The following SCNN1B variants were observed in gnomAD, a reference collection of about 807,000 sequenced individuals.
The protein encoded by SCNN1B is sodium channel epithelial 1 subunit beta.
A neutral mutation model predicts 65.3 loss-of-function variants in SCNN1B; 46 were observed. The ratio of observed to expected loss-of-function variants is 0.70; its 90% CI spans 0.56 to 0.90. The LOEUF is 0.90. SCNN1B is among the 40% of genes least tolerant of loss of function. The probability of loss-of-function intolerance (pLI) is 0.00; values close to 1 mark genes in which losing one functional copy is unlikely to be tolerated. For synonymous variants in SCNN1B, 349 were observed against 330.6 expected, an observed-to-expected ratio of 1.06 and a Z score of -0.60; for missense variants, 751 against 830.5, an observed-to-expected ratio of 0.90 and a Z score of 1.18.
chr16:23,376,757 A>AG (rs1039009193), intron 8 of SCNN1B, among the ~76,000 whole-genome samples: 18 of 151,956 alleles, frequency 1.2e-4, no homozygotes, highest in Middle Eastern at 3.4e-3. Flanking sequence ...AAAAAAAAAA[A>AG]AAAGAAAGAA....
intron 4 of SCNN1B, among the ~76,000 whole-genome samples, chr16:23,363,163 A>G (rs77217912): frequency 2.0e-5 from 3 of 152,220 alleles, no homozygotes; most frequent in East Asian, 3.9e-4. Flanking sequence ...TTATTCATCA[A>G]ATATTTACTG....
intron 2 of SCNN1B, among the ~76,000 whole-genome samples, chr16:23,291,318 C>T (rs1960921219): frequency 6.6e-6 from 1 of 152,144 alleles, no homozygotes; most frequent in African/African-American, 2.4e-5. Flanking sequence ...CTGCCTCAAC[C>T]TCCCAAAGTG....
At chr16:23,282,837 C>T (rs1960801198) in intron 1 of SCNN1B, among the ~76,000 whole-genome samples, 1 of 152,230 alleles carries the variant, frequency 6.6e-6, no homozygotes, top group South Asian at 2.1e-4. Flanking sequence ...AATACAAGTA[C>T]AGCCCTGCCT....
At chr16:23,280,016 C>T (rs1384375414) in intron 1 of SCNN1B, among the ~76,000 whole-genome samples, 6 of 152,152 alleles carry the variant, frequency 3.9e-5, no homozygotes, top group Admixed American at 3.9e-4. Context: ...CGAAATTTTG[C>T]CAAACTAAGG....
At chr16:23,337,114 C>T (rs144518509) in intron 1 of SCNN1B, among the ~76,000 whole-genome samples, 14 of 152,152 alleles carry the variant, frequency 9.2e-5, no homozygotes, top group African/African-American at 3.4e-4. Flanking sequence ...TGCAATGATA[C>T]AATCATAGCT....
At chr16:23,291,717 G>T (rs896543717) in intron 2 of SCNN1B, among the ~76,000 whole-genome samples, 4 of 150,664 alleles carry the variant, frequency 2.7e-5, no homozygotes, top group African/African-American at 9.8e-5. Flanking sequence ...TGAGACCACA[G>T]GCACGCACCA....
rs1962780653 is a variant in SCNN1B at position 23,371,403 on chromosome 16, A to T, written c.985A>T (p.Ile329Phe). Residue 329 changes from isoleucine to phenylalanine, a missense_variant, in exon 6 of 13, where the codon ATC becomes TTC. Coordinates refer to ENST00000343070, the MANE Select transcript of SCNN1B (RefSeq NM_000336.3). ...MLHEQRSYPF[I>F]RDEGIYAMSG... ...TCACGAGCAGAGGTCATACCCCTTC[A>T]TCAGAGATGAGGGCATCTACGCCAT... 6.2e-7 allele frequency: 1 copy of T among 1,614,110 alleles called. No individual in the cohort carries two copies. The highest frequency in any genetic ancestry group is 1.1e-5 in the South Asian group (1 of 91,082).
chr16:23,326,112 C>CT (rs574780119), intron 1 of SCNN1B, among the ~76,000 whole-genome samples: 7 of 147,682 alleles, frequency 4.7e-5, no homozygotes, highest in South Asian at 2.2e-4. Flanking sequence ...GGAAGCTTAA[C>CT]TTTTTTTTTT....
chr16:23,284,970 CAGA>C (rs1349304713), intron 2 of SCNN1B, among the ~76,000 whole-genome samples: 2 of 152,156 alleles, frequency 1.3e-5, no homozygotes, highest in African/African-American at 2.4e-5. Context: ...ATGGTCCCAT[CAGA>C]AGGACACAGA....
intron 4 of SCNN1B, among the ~76,000 whole-genome samples, chr16:23,365,132 C>CA (rs1039460424): frequency 2.5e-3 from 337 of 135,368 alleles, no homozygotes; most frequent in African/African-American, 5.1e-3. Flanking sequence ...ATCTCAAAAA[C>CA]AAAAAAAAAA....
intron 1 of SCNN1B, among the ~76,000 whole-genome samples, chr16:23,345,909 A>T (rs1962175779): frequency 6.6e-6 from 1 of 152,118 alleles, no homozygotes; most frequent in African/African-American, 2.4e-5. Context: ...GACCTTAAAG[A>T]TCAAATACAA....
chr16:23,347,264 G>A (rs900931873), intron 1 of SCNN1B, among the ~76,000 whole-genome samples: 3 of 151,938 alleles, frequency 2.0e-5, no homozygotes, highest in Admixed American at 6.6e-5. Context: ...CTTACCCACC[G>A]ACAGCTAGTG....
intron 3 of SCNN1B, among the ~76,000 whole-genome samples, chr16:23,353,424 C>T (rs1962353635): frequency 2.6e-5 from 4 of 152,306 alleles, no homozygotes; most frequent in Admixed American, 1.3e-4. Flanking sequence ...TTCTCTCAGG[C>T]GACTTCACTC....
intron 5 of SCNN1B, among the ~76,000 whole-genome samples, chr16:23,368,838 T>G (rs1166369585): frequency 6.6e-6 from 1 of 152,046 alleles, no homozygotes; most frequent in Non-Finnish European, 1.5e-5. Flanking sequence ...AAGTGGGAGC[T>G]AAATGATGTG....
chr16:23,366,247 C>A (rs958905576), intron 4 of SCNN1B, among the ~76,000 whole-genome samples: 1 of 152,014 alleles, frequency 6.6e-6, no homozygotes, highest in Non-Finnish European at 1.5e-5. Flanking sequence ...CTCTGTTGCC[C>A]AGGCAGGAGT....
In SCNN1B at chr16:23,380,241, G is replaced by A; in HGVS notation, c.1542+72G>A. On this transcript the variant is annotated intron_variant, in intron 12 of 12. Coordinates refer to ENST00000343070, the MANE Select transcript of SCNN1B (RefSeq NM_000336.3). This position sits in a 1 kb window ranked among gnomAD's most constrained non-coding sequence, Gnocchi z 5.4. ...CCCTGCACCCTGAGGGTGGGGGAAG[G>A]GTTCTGAGCCCTATGAAGGAATTAG... The A allele has an allele frequency of 6.6e-7, 1 of 1,514,342 alleles. No homozygotes were observed. The highest frequency in any genetic ancestry group is 9.2e-7 in the Non-Finnish European group (1 of 1,089,434). The allele number at this position is 1,514,342 out of a possible 1,614,324, so 93.8% of individuals were successfully genotyped here. A position where few individuals can be genotyped will look rare whatever the true frequency, so the allele number is the denominator to read the frequency against.
chr16:23,298,202 A>T (rs1961024648), upstream of SCNN1B, among the ~76,000 whole-genome samples: 1 of 152,204 alleles, frequency 6.6e-6, no homozygotes, highest in South Asian at 2.1e-4. Context: ...CTGTGCCATA[A>T]TTTAACCCAT....
rs765534563 is a variant in SCNN1B, at chr16:23,367,850, T to C, written c.777-6T>C. On this transcript the variant is annotated splice_region_variant and splice_polypyrimidine_tract_variant and intron_variant, in intron 4 of 12. Coordinates refer to ENST00000343070, the MANE Select transcript of SCNN1B (RefSeq NM_000336.3). Reference sequence around the variant, plus strand: ...CCTGCCCTGCAGCTGATGCTGTTTCTTTTAGGAACTTCACGTCCATCTTCT... The same window carrying C: ...CCTGCCCTGCAGCTGATGCTGTTTCCTTTAGGAACTTCACGTCCATCTTCT... The C allele has an allele frequency of 3.1e-6, 5 of 1,610,762 alleles. No homozygotes were observed. The South Asian group carries it at 5.5e-5, about 18-fold the overall frequency.
chr16:23,291,215 C>A (rs1960919527), intron 2 of SCNN1B, among the ~76,000 whole-genome samples: 1 of 152,012 alleles, frequency 6.6e-6, no homozygotes, highest in Non-Finnish European at 1.5e-5. Context: ...GTGCATGCCA[C>A]CAAGCCTAGC....
Sources: gnomAD v4.1 joint callset for allele counts (sites outside exome capture counted in the v4.1 genomes callset) on GRCh38, gnomAD v4.1.1 for gene constraint, Gnocchi (gnomAD v3.1) non-coding constraint, MANE v1.5 for transcripts, NCBI Gene and HGNC (gene_info 2026-07-23, HGNC 2026-07-21) for gene names.